Variants in MACROD2 observed in about 807,000 individuals in gnomAD.
MACROD2 encodes ADP-ribose glycohydrolase MACROD2.
A neutral mutation model predicts 70.4 loss-of-function variants in MACROD2; 36 were observed. That is an observed-to-expected ratio of 0.51 (90% confidence interval 0.39 to 0.68). The LOEUF (loss-of-function observed/expected upper bound fraction) is 0.68, where lower values mean the gene tolerates loss of function less well. MACROD2 is among the 30% of genes least tolerant of loss of function. The pLI is 0.00. For missense variants in MACROD2, 496 were observed against 538.4 expected (o/e 0.92, Z 0.78); for synonymous variants, 172 against 178.8 (o/e 0.96, Z 0.30).
chr20:15,791,025 T>C (rs575931702), intron 8 of MACROD2, among the ~76,000 whole-genome samples: 14 of 151,986 alleles, frequency 9.2e-5, no homozygotes, highest in Non-Finnish European at 1.6e-4. Context: ...TTCTGCCTTT[T>C]TCATTTTTAT....
At chr20:14,717,221 A>G (rs949415447) in intron 5 of MACROD2, among the ~76,000 whole-genome samples, 1 of 152,110 alleles carries the variant, frequency 6.6e-6, no homozygotes. Context: ...ACTATACTAT[A>G]TTTTCTATAT....
intron 5 of MACROD2, among the ~76,000 whole-genome samples, chr20:14,728,163 C>A (rs1053436579): frequency 6.6e-6 from 1 of 152,016 alleles, no homozygotes; most frequent in South Asian, 2.1e-4. Flanking sequence ...TATTTCAGAT[C>A]GGAAGAAAAT....
At chr20:14,484,614 C>T (rs1568633750) in intron 3 of MACROD2, among the ~76,000 whole-genome samples, 1 of 138,384 alleles carries the variant, frequency 7.2e-6, no homozygotes, top group African/African-American at 2.7e-5. Flanking sequence ...TGTCTGGTAA[C>T]CACCCTTCTT....
At chr20:14,151,909 C>T (rs1197456266) in intron 3 of MACROD2, among the ~76,000 whole-genome samples, 1 of 148,964 alleles carries the variant, frequency 6.7e-6, no homozygotes. Context: ...GCAAGCTCTG[C>T]CCCCCGGGTT....
chr20:14,037,508 A>T (rs183675987), intron 2 of MACROD2, among the ~76,000 whole-genome samples: 11 of 152,340 alleles, frequency 7.2e-5, no homozygotes, highest in African/African-American at 2.2e-4. Context: ...TTTATTTGGT[A>T]ATCTTAGTAA....
chr20:14,268,975 G>T (rs1225820446), intron 3 of MACROD2, among the ~76,000 whole-genome samples: 1 of 152,132 alleles, frequency 6.6e-6, no homozygotes, highest in Non-Finnish European at 1.5e-5. Context: ...CAATTTGTGT[G>T]TTGGCGTAAT....
chr20:15,852,607 A>T (rs2064312211), intron 8 of MACROD2, among the ~76,000 whole-genome samples: 1 of 152,200 alleles, frequency 6.6e-6, no homozygotes, highest in Non-Finnish European at 1.5e-5. Context: ...ATTCGGTGAC[A>T]TTTGACAAAG....
chr20:15,963,567 A>G (rs1350694084), intron 12 of MACROD2, among the ~76,000 whole-genome samples: 1 of 152,170 alleles, frequency 6.6e-6, no homozygotes, highest in Non-Finnish European at 1.5e-5. Flanking sequence ...AGAATTCAAG[A>G]TTTGCCATCA....
intron 5 of MACROD2, among the ~76,000 whole-genome samples, chr20:14,702,626 C>CAT (rs200287028): frequency 5.4e-5 from 2 of 37,264 alleles, no homozygotes; most frequent in African/African-American, 1.0e-4. Flanking sequence ...TATATATATA[C>CAT]ATATATATAT....
intron 5 of MACROD2, among the ~76,000 whole-genome samples, chr20:15,091,160 A>G (rs1314052410): frequency 1.3e-5 from 2 of 152,050 alleles, no homozygotes; most frequent in Admixed American, 6.6e-5. Context: ...AACACCTAGT[A>G]ACACATTCAA....
chr20:15,660,186 A>G (rs2049798709), intron 8 of MACROD2, among the ~76,000 whole-genome samples: 1 of 152,200 alleles, frequency 6.6e-6, no homozygotes, highest in African/African-American at 2.4e-5. Context: ...GCAAGCTACC[A>G]AAGTGATGTG....
At chr20:14,354,530 T>A (rs1396541710) in intron 3 of MACROD2, among the ~76,000 whole-genome samples, 4 of 152,330 alleles carry the variant, frequency 2.6e-5, no homozygotes, top group African/African-American at 9.6e-5. Flanking sequence ...TCAAAGTGTC[T>A]GCAAGACTAA....
At chr20:15,467,728 TA>T (rs5840668) in intron 7 of MACROD2, among the ~76,000 whole-genome samples, 130,665 of 152,158 alleles carry the variant, frequency 0.86, 56,332 homozygotes, top group East Asian at 0.95. Context: ...GTAGGCATGG[TA>T]AAAAAATGTG....
chr20:14,269,860 T>C (rs924748132), intron 3 of MACROD2, among the ~76,000 whole-genome samples: 2 of 152,044 alleles, frequency 1.3e-5, no homozygotes, highest in African/African-American at 4.8e-5. Context: ...TATCTCCCTT[T>C]ATTTATAGTT....
intron 5 of MACROD2, among the ~76,000 whole-genome samples, chr20:14,842,258 G>C (rs1006419296): frequency 1.1e-4 from 16 of 151,912 alleles, no homozygotes; most frequent in Non-Finnish European, 1.6e-4. Flanking sequence ...CATTCAGGAG[G>C]GTGCTGCCCC....
intron 3 of MACROD2, among the ~76,000 whole-genome samples, chr20:14,422,953 T>C (rs1159281859): frequency 1.3e-5 from 2 of 152,206 alleles, no homozygotes; most frequent in Non-Finnish European, 2.9e-5. Flanking sequence ...GCTGGTCTAG[T>C]GGTAAAAAAC....
intron 8 of MACROD2, among the ~76,000 whole-genome samples, chr20:15,716,338 T>A (rs1048953478): frequency 6.6e-6 from 1 of 152,204 alleles, no homozygotes. Flanking sequence ...CATGGATTTT[T>A]AAGCCAGTGT....
chr20:15,387,571 T>C (rs1355314212), intron 6 of MACROD2, among the ~76,000 whole-genome samples: 1 of 151,564 alleles, frequency 6.6e-6, no homozygotes, highest in African/African-American at 2.4e-5. Context: ...TTCTCTTTTT[T>C]CTCCCCACTT....
chr20:15,865,336 T>G (rs955443402), intron 9 of MACROD2, among the ~76,000 whole-genome samples: 14 of 112,014 alleles, frequency 1.2e-4, no homozygotes, highest in African/African-American at 4.1e-4. Context: ...TAATTGCTAT[T>G]ACAGTTCAAT....
Sources: allele counts gnomAD v4.1 joint callset (sites outside exome capture counted in the v4.1 genomes callset), GRCh38; gene constraint gnomAD v4.1.1; transcripts MANE v1.5; gene names NCBI Gene and HGNC (gene_info 2026-07-23, HGNC 2026-07-21).